The following DNAH17 variants were observed in gnomAD, a reference collection of about 807,000 sequenced individuals.
The protein encoded by DNAH17 is axonemal beta dynein heavy chain 17.
DNAH17 carries 376 observed loss-of-function variants against 485.6 expected under a neutral mutation model. The observed-to-expected ratio is 0.77, with a 90% CI of 0.71 to 0.84. The LOEUF (loss-of-function observed/expected upper bound fraction) is 0.84, where lower values mean the gene tolerates loss of function less well. Among genes scored for constraint, DNAH17 ranks in the 40% least tolerant of loss-of-function variants. The pLI, the probability that DNAH17 is intolerant of heterozygous loss-of-function variation, is 0.00. For synonymous variants in DNAH17, 3,031 were observed against 2,405.9 expected (o/e 1.26, Z -7.60); for missense variants, 6,370 against 5,839.3 (o/e 1.09, Z -2.96).
chr17:78,501,940 G>A, intron 33 of DNAH17, 67 bp from the exon 34 acceptor site: 1 of 1,599,320 alleles, frequency 6.3e-7, no homozygotes, highest in South Asian at 1.1e-5. Flanking sequence ...TCTTGTGGCT[G>A]GGTGCCCACA....
intron 48 of DNAH17, among the ~76,000 whole-genome samples, chr17:78,482,070 C>CTTT (rs36105381): frequency 4.6e-5 from 6 of 130,664 alleles, no homozygotes; most frequent in Non-Finnish European, 3.2e-5. Flanking sequence ...ACACTAGTTA[C>CTTT]TTTTTTTTTT....
At chr17:78,435,295 G>T (rs1435742888) in intron 74 of DNAH17, among the ~76,000 whole-genome samples, 7 of 152,144 alleles carry the variant, frequency 4.6e-5, no homozygotes. Flanking sequence ...ATCCGATCCG[G>T]TGCTTTTCAC....
rs2087763811 is a variant in DNAH17, at chr17:78,455,698, T to G, written c.10116A>C (p.Lys3372Asn). 1.9e-6 allele frequency: 3 copies of G among 1,592,890 alleles called. No individual in the cohort carries two copies. The highest frequency in any genetic ancestry group is 2.6e-6 in the Non-Finnish European group (3 of 1,170,268). The change falls in exon 63 of 81, where the codon AAA becomes AAC. Residue 3372 changes from lysine to asparagine, a missense_variant. Transcript: ENST00000389840. ...FVSYVGYFTKKYRNELMEKFW... is the reference protein window; with the variant it reads ...FVSYVGYFTKNYRNELMEKFW... ...ATTTCTCCATCAGCTCATTCCGGTA[T>G]TTCTTGGTGAAGTAGCCCACGTAGG...
intron 19 of DNAH17, among the ~76,000 whole-genome samples, chr17:78,536,905 G>A (rs571878929): frequency 6.6e-6 from 1 of 152,236 alleles, no homozygotes; most frequent in South Asian, 2.1e-4. Flanking sequence ...GCCGGGCGCG[G>A]TGGCTCACGC....
intron 4 of DNAH17, 32 bp downstream of exon 4, chr17:78,571,558 G>A (rs771430755): frequency 6.2e-7 from 1 of 1,611,808 alleles, no homozygotes; most frequent in South Asian, 1.1e-5. Context: ...CTGGGACGAG[G>A]CTGCAGCCCC....
At chr17:78,432,477 A>G (rs1346622107) in intron 75 of DNAH17, among the ~76,000 whole-genome samples, 1 of 152,226 alleles carries the variant, frequency 6.6e-6, no homozygotes, top group Non-Finnish European at 1.5e-5. Context: ...GTCCCGGCCC[A>G]GTTCTGCTCC....
intron 71 of DNAH17, among the ~76,000 whole-genome samples, chr17:78,442,113 G>T (rs1331960058): frequency 6.6e-6 from 1 of 152,066 alleles, no homozygotes; most frequent in Non-Finnish European, 1.5e-5. Context: ...GATTTTAGTG[G>T]CCAGCTGGTC....
intron 48 of DNAH17, among the ~76,000 whole-genome samples, chr17:78,484,191 C>T (rs1360427096): frequency 6.7e-6 from 1 of 149,386 alleles, no homozygotes; most frequent in African/African-American, 2.4e-5. Flanking sequence ...TTTGGTTTCT[C>T]GGTGCCGTTA....
At chr17:78,572,281 G>A (rs907132956) in intron 3 of DNAH17, among the ~76,000 whole-genome samples, 1 of 151,912 alleles carries the variant, frequency 6.6e-6, no homozygotes, top group South Asian at 2.1e-4. Flanking sequence ...GGGCACCGCA[G>A]CCTCTACACA....
intron 1 of DNAH17, among the ~76,000 whole-genome samples, chr17:78,575,491 A>C (rs751463623): frequency 6.6e-6 from 1 of 152,170 alleles, no homozygotes; most frequent in Non-Finnish European, 1.5e-5. Context: ...GAAAGCAATA[A>C]AAGACGTCGC....
intron 71 of DNAH17, among the ~76,000 whole-genome samples, chr17:78,442,625 A>C (rs1322195144): frequency 6.6e-6 from 1 of 151,636 alleles, no homozygotes; most frequent in African/African-American, 2.4e-5. Context: ...ATGCAGAAGC[A>C]TGCAGGCTGG....
rs202080844 is a variant in DNAH17, at chr17:78,479,098, G to C, written c.7919C>G (p.Thr2640Arg). ...AAALALHQKI[T>R]ATFLPTAIKF... ...AATGGCCGTGGGAAGAAATGTTGCC[G>C]TGATTTTCTGATGCAAAGCTGTTAG... The change falls in exon 51 of 81, where the codon ACG (threonine) becomes AGG (arginine). Residue 2640 changes from threonine (T) to arginine (R), a missense_variant. By Grantham distance (71) the Thr-to-Arg change is moderately conservative (BLOSUM62 -1). Coordinates refer to ENST00000389840, the MANE Select transcript of DNAH17 (RefSeq NM_173628.4). 1.2e-5 allele frequency: 19 copies of C among 1,613,832 alleles called. No homozygotes were observed. Among genetic ancestry groups the C allele is most frequent in the Non-Finnish European group, 1.6e-5 (19 of 1,179,890 alleles).
At position 78,454,586 on chromosome 17, in the gene DNAH17, G is replaced by T; in HGVS notation, c.10290C>A (p.Thr3430=). 6.2e-7 allele frequency: 1 copy of T among 1,613,178 alleles called. No individual in the cohort carries two copies. The highest frequency in any genetic ancestry group is 8.5e-7 in the Non-Finnish European group (1 of 1,179,882). The change falls in exon 64 of 81, where the codon ACC becomes ACA. Residue 3430 remains threonine, a synonymous_variant. Transcript: ENST00000389840. ...PSDRMSTENA[T]ILGNTERWPL... is the part of the protein sequence containing the mutation. ...GCCACCGCTCGGTGTTGCCCAGGATGGTGGCATTCTCGGTGGACATGCGGT... is the reference window on the plus strand; with the variant it reads ...GCCACCGCTCGGTGTTGCCCAGGATTGTGGCATTCTCGGTGGACATGCGGT...
intron 27 of DNAH17, among the ~76,000 whole-genome samples, chr17:78,509,107 C>A (rs1397536419): frequency 2.7e-5 from 2 of 73,878 alleles, no homozygotes; most frequent in Non-Finnish European, 5.7e-5. Flanking sequence ...GCTGGGATTA[C>A]AGGCATGCGC....
At chr17:78,524,961 T>C in intron 25 of DNAH17, 48 bp downstream of exon 25, 1 of 1,572,326 alleles carries the variant, frequency 6.4e-7, no homozygotes, top group Non-Finnish European at 8.7e-7. Context: ...CGGGGGCAGC[T>C]CCCTGCAGAA....
intron 8 of DNAH17, 48 bp downstream of exon 8, chr17:78,569,327 T>A (rs1471043844): frequency 6.2e-7 from 1 of 1,607,110 alleles, no homozygotes; most frequent in East Asian, 2.2e-5. Flanking sequence ...GGGGCTCATA[T>A]GAACTCACTC....
intron 68 of DNAH17, chr17:78,449,937 T>A: frequency 2.2e-6 from 1 of 444,532 alleles, no homozygotes; most frequent in South Asian, 2.9e-5. Flanking sequence ...CGGCCCCCCA[T>A]AGTGCTGAGA....
intron 56 of DNAH17, among the ~76,000 whole-genome samples, chr17:78,465,704 GTCTGAGAAGTGAGGAGCCTC>G (rs1568094807): frequency 2.4e-4 from 36 of 149,280 alleles, no homozygotes; most frequent in African/African-American, 8.9e-4. Flanking sequence ...CAACCGCCCC[GTCTGAGAAGTGAGGAGCCTC>G]TCCGCCCGGC....
At chr17:78,428,351 C>G in intron 77 of DNAH17, 174 bp downstream of exon 77, 1 of 762,490 alleles carries the variant, frequency 1.3e-6, no homozygotes, top group Non-Finnish European at 2.2e-6. Flanking sequence ...GTCTGAGGAC[C>G]TGCTGACCAG....
Sources: allele counts gnomAD v4.1 joint callset (sites outside exome capture counted in the v4.1 genomes callset), GRCh38; gene constraint gnomAD v4.1.1; transcripts MANE v1.5; gene names NCBI Gene and HGNC (gene_info 2026-07-23, HGNC 2026-07-21).